KHSRP: variants seen among roughly 807,000 people sequenced by gnomAD.
KHSRP encodes KH-type splicing regulatory protein, also known as far upstream element-binding protein 2.
A neutral mutation model predicts 94.9 loss-of-function variants in KHSRP; 13 were observed. The observed-to-expected ratio is 0.14, with a 90% CI of 0.09 to 0.22. KHSRP has a LOEUF of 0.22. KHSRP is among the 10% of genes least tolerant of loss of function. The pLI is 1.00. For missense variants in KHSRP, 710 were observed against 1,010.0 expected, an observed-to-expected ratio of 0.70 and a Z score of 4.03; for synonymous variants, 495 against 401.4, an observed-to-expected ratio of 1.23 and a Z score of -2.79.
At chr19:6,416,200 C>G in intron 15 of KHSRP, 98 bp downstream of exon 15, 1 of 999,234 alleles carries the variant, frequency 1.0e-6, no homozygotes. Context: ...TGAGGCCCCC[C>G]GCCTGCACTT....
Position 6,420,041 on chromosome 19 carries a change from C to G in KHSRP, c.547+32G>C, listed in dbSNP as rs191837340. On this transcript the variant is annotated intron_variant, in intron 6 of 18. Transcript: ENST00000600480. The stretch of plus-strand genomic sequence containing the variant: ...AAGTGCAAAGGGCCCAACCCTGGCC[C>G]CCACTCTGGCAGGAACCTGACGCTC... 6.3e-4 allele frequency: 971 copies of G among 1,550,518 alleles called. 7 individuals carry two copies. The African/African-American group carries it at 0.011, about 18-fold the overall frequency.
In KHSRP at chr19:6,414,048, C is replaced by T; in HGVS notation, c.*976G>A. On this transcript the variant is annotated 3_prime_UTR_variant, in exon 19 of 19. Transcript: ENST00000600480. ...TCTCGCCAAACAAAACAGAAGCCCCCAAACAGAACAAAATGGAAAAAAAAA... is the reference window on the plus strand; with the variant it reads ...TCTCGCCAAACAAAACAGAAGCCCCTAAACAGAACAAAATGGAAAAAAAAA... 6.4e-7 allele frequency: 1 copy of T among 1,555,524 alleles called. No individual in the cohort carries two copies. Among genetic ancestry groups the T allele is most frequent in the Admixed American group, 1.9e-5 (1 of 51,470 alleles).
Position 6,414,667 on chromosome 19 carries a change from GA to G in KHSRP, c.*356del. ...CTGCAACACAGTCACTTGGACACAGGAAAAAAGATCATGGGTTTAAAAAATA... is the reference window on the plus strand; with the variant it reads ...CTGCAACACAGTCACTTGGACACAGGAAAAAGATCATGGGTTTAAAAAATA... On this transcript the variant is annotated 3_prime_UTR_variant, in exon 19 of 19. Coordinates refer to ENST00000600480, the MANE Select transcript of KHSRP (RefSeq NM_001366299.1). 9.9e-7 allele frequency: 1 copy of G among 1,014,222 alleles called. No individual in the cohort carries two copies. The highest frequency in any genetic ancestry group is 1.2e-6 in the Non-Finnish European group (1 of 849,592). The allele number at this position is 1,014,222 out of a possible 1,614,324, so 62.8% of individuals were successfully genotyped here.
At chr19:6,423,278 A>AAAAC (rs893840784) in intron 1 of KHSRP, among the ~76,000 whole-genome samples, 14 of 152,326 alleles carry the variant, frequency 9.2e-5, no homozygotes, top group South Asian at 8.3e-4. Flanking sequence ...CTGTTTCCAA[A>AAAAC]AAACAAACAA....
chr19:6,420,581 C>A, intron 4 of KHSRP, 110 bp from the exon 5 acceptor site: 1 of 933,660 alleles, frequency 1.1e-6, no homozygotes, highest in South Asian at 1.4e-5. Context: ...CAGAGTCTGA[C>A]CACACAGGCC....
rs2092128478 is a variant in KHSRP, at chr19:6,414,652, G to C, written c.*372C>G. 1 of 1,009,364 alleles carries C rather than the reference G, an allele frequency of 9.9e-7. No individual in the cohort carries two copies. The highest frequency in any genetic ancestry group is 1.2e-6 in the Non-Finnish European group (1 of 846,550). 62.5% of individuals were successfully genotyped at this position (1,009,364 alleles called of 1,614,324 possible). On this transcript the variant is annotated 3_prime_UTR_variant, in exon 19 of 19. Transcript: ENST00000600480. ...CCAGAGCCAGGCCGCCTGCAACACAGTCACTTGGACACAGGAAAAAAGATC... is the reference window on the plus strand; with the variant it reads ...CCAGAGCCAGGCCGCCTGCAACACACTCACTTGGACACAGGAAAAAAGATC...
chr19:6,421,081 C>G, intron 4 of KHSRP, 197 bp downstream of exon 4: 1 of 608,024 alleles, frequency 1.6e-6, no homozygotes, highest in Non-Finnish European at 2.9e-6. Context: ...CGCTCCCCTC[C>G]CACAGCCCTT....
Position 6,419,253 on chromosome 19 carries a change from A to G in KHSRP, c.555T>C (p.Gly185=), listed in dbSNP as rs1291612236. The G allele has an allele frequency of 4.4e-6, 7 of 1,577,882 alleles. No homozygotes were observed. The highest frequency in any genetic ancestry group is 2.7e-5 in the African/African-American group (2 of 74,026). ...AGGACACACTGCGCTCGGGTAGGCC[A>G]CCGCTGTCTGAAAAGAGGAGATAGA... ...GCKVQISPDS[G]GLPERSVSLT... The change falls in exon 7 of 19, where the codon GGT becomes GGC. Residue 185 remains glycine (G), a synonymous_variant. Transcript: ENST00000600480.
chr19:6,416,418 G>T lies in KHSRP; in HGVS notation c.1489-11C>A, dbSNP rs761609095. The stretch of plus-strand genomic sequence containing the variant: ...TGGGCAGAGAGGACCCTAGAAGGAA[G>T]GAGAGTAACCAAGGTAAGTGGGCTG... On this transcript the variant is annotated splice_polypyrimidine_tract_variant and intron_variant, in intron 14 of 18. Coordinates refer to ENST00000600480, the MANE Select transcript of KHSRP (RefSeq NM_001366299.1). 6.2e-7 allele frequency: 1 copy of T among 1,613,234 alleles called. No homozygotes were observed. Among genetic ancestry groups the T allele is most frequent in the East Asian group, 2.2e-5 (1 of 44,860 alleles).
At chr19:6,420,725 CTA>C (rs754224533) in intron 4 of KHSRP, among the ~76,000 whole-genome samples, 2 of 152,238 alleles carry the variant, frequency 1.3e-5, no homozygotes, top group East Asian at 3.8e-4. Flanking sequence ...GACAGTCACT[CTA>C]TGTCTCTCAG....
At chr19:6,421,795 C>A (rs1252719606) in intron 2 of KHSRP, 107 bp from the exon 3 acceptor site, 1 of 1,328,602 alleles carries the variant, frequency 7.5e-7, no homozygotes, top group Non-Finnish European at 1.1e-6. Flanking sequence ...TCGGCCCCCA[C>A]CCTTAACAGG....
chr19:6,416,038 G>A (rs2092143181), intron 15 of KHSRP, 142 bp from the exon 16 acceptor site: 2 of 663,386 alleles, frequency 3.0e-6, no homozygotes, highest in South Asian at 4.1e-5. Context: ...GAAAGGCCTA[G>A]ACAAGAAGCA....
At position 6,413,882 on chromosome 19, in the gene KHSRP, C is replaced by A; in HGVS notation, c.*1142G>T. Reference sequence around the variant, plus strand: ...TCGCTATCTTCTCTGGCTGGCTCAACATGGAAGGATCCCAATTTTGAAAGA... The same window carrying A: ...TCGCTATCTTCTCTGGCTGGCTCAAAATGGAAGGATCCCAATTTTGAAAGA... On this transcript the variant is annotated 3_prime_UTR_variant, in exon 19 of 19. Transcript: ENST00000600480. 1 of 359,038 alleles carries A rather than the reference C, an allele frequency of 2.8e-6. No homozygotes were observed. Among genetic ancestry groups the A allele is most frequent in the East Asian group, 4.5e-5 (1 of 22,372 alleles). 22.2% of individuals were successfully genotyped at this position (359,038 alleles called of 1,614,324 possible). A position where few individuals can be genotyped will look rare whatever the true frequency, so the allele number is the denominator to read the frequency against.
Position 6,416,423 on chromosome 19 carries a change from G to C in KHSRP, c.1489-16C>G. 1 of 1,612,884 alleles carries C rather than the reference G, an allele frequency of 6.2e-7. No individual in the cohort carries two copies. Among genetic ancestry groups the C allele is most frequent in the Non-Finnish European group, 8.5e-7 (1 of 1,179,346 alleles). On this transcript the variant is annotated splice_polypyrimidine_tract_variant and intron_variant, in intron 14 of 18. Coordinates refer to ENST00000600480, the MANE Select transcript of KHSRP (RefSeq NM_001366299.1). ...AGAGAGGACCCTAGAAGGAAGGAGA[G>C]TAACCAAGGTAAGTGGGCTGGGATC...
At position 6,418,384 on chromosome 19, in the gene KHSRP, A is replaced by G. The variant is rs1472680298; in HGVS notation, c.879+99T>C. On this transcript the variant is annotated intron_variant, in intron 9 of 18. Coordinates refer to ENST00000600480, the MANE Select transcript of KHSRP (RefSeq NM_001366299.1). The surrounding 1 kb of genome is among the most constrained non-coding windows in gnomAD (Gnocchi z 4.3). ...CTCTTGGTGTTATGACCGACTGTTCACATATCTCTCTGGCGGAATGCAGAC... is the reference window on the plus strand; with the variant it reads ...CTCTTGGTGTTATGACCGACTGTTCGCATATCTCTCTGGCGGAATGCAGAC... The G allele has an allele frequency of 4.8e-5, 41 of 855,650 alleles. No homozygotes were observed. The highest frequency in any genetic ancestry group is 7.6e-5 in the Non-Finnish European group (40 of 523,070). The allele number at this position is 855,650 out of a possible 1,614,324, so 53.0% of individuals were successfully genotyped here.
Position 6,418,175 on chromosome 19 carries a change from A to G in KHSRP, c.880-96T>C, listed in dbSNP as rs1599240421. On this transcript the variant is annotated intron_variant, in intron 9 of 18. Transcript: ENST00000600480. The surrounding 1 kb of genome is among the most constrained non-coding windows in gnomAD (Gnocchi z 4.3). ...TGCGGGCCTCAACTAAGGACCCACG[A>G]ACCCTGGGTGAGCCCAGCACAGCAC... 9.4e-7 allele frequency: 1 copy of G among 1,062,216 alleles called. No homozygotes were observed. The highest frequency in any genetic ancestry group is 2.0e-5 in the Admixed American group (1 of 50,784). 65.8% of individuals were successfully genotyped at this position (1,062,216 alleles called of 1,614,324 possible). A position where few individuals can be genotyped will look rare whatever the true frequency, so the allele number is the denominator to read the frequency against.
At chr19:6,415,972 T>C in intron 15 of KHSRP, 76 bp from the exon 16 acceptor site, 3 of 949,722 alleles carry the variant, frequency 3.2e-6, no homozygotes, top group Non-Finnish European at 4.6e-6. Flanking sequence ...GGTGGGGATG[T>C]TTTTCAGTGG....
In KHSRP at chr19:6,413,807, T is replaced by C. The variant is rs2092118809; in HGVS notation, c.*1217A>G. ...ATTTTATAAGTTCTGCTTTGCTCTT[T>C]GTGTTTTTAATTTTTAAGTTTTTTT... On this transcript the variant is annotated 3_prime_UTR_variant, in exon 19 of 19. Coordinates refer to ENST00000600480, the MANE Select transcript of KHSRP (RefSeq NM_001366299.1). 2 of 170,906 alleles carry C rather than the reference T, an allele frequency of 1.2e-5. No homozygotes were observed. Among genetic ancestry groups the C allele is most frequent in the Admixed American group, 6.8e-5 (1 of 14,768 alleles). 10.6% of individuals were successfully genotyped at this position (170,906 alleles called of 1,614,324 possible).
chr19:6,422,576 A>G, intron 1 of KHSRP, 140 bp from the exon 2 acceptor site: 1 of 630,976 alleles, frequency 1.6e-6, no homozygotes, highest in Non-Finnish European at 2.8e-6. Flanking sequence ...GGGAAGAGTC[A>G]GTTGGTTAAG....
Sources: gnomAD v4.1 joint callset for allele counts (sites outside exome capture counted in the v4.1 genomes callset) on GRCh38, gnomAD v4.1.1 for gene constraint, Gnocchi (gnomAD v3.1) non-coding constraint, MANE v1.5 for transcripts, NCBI Gene and HGNC (gene_info 2026-07-23, HGNC 2026-07-21) for gene names.